ACTN3: variants seen among roughly 807,000 people sequenced by gnomAD.
The protein encoded by ACTN3 is alpha-actinin-3.
In ACTN3, 91 loss-of-function variants were observed where a neutral mutation model predicts 119.6. The observed-to-expected ratio is 0.76, with a 90% confidence interval of 0.64 to 0.91. The LOEUF (loss-of-function observed/expected upper bound fraction) is 0.91. Ranked by LOEUF, ACTN3 falls within the 40% of genes least tolerant of loss-of-function variation. The probability of loss-of-function intolerance (pLI) is 0.00; values close to 1 mark genes in which losing one functional copy is unlikely to be tolerated. For missense variants in ACTN3, 1,221 were observed against 1,215.1 expected, an observed-to-expected ratio of 1.00 and a Z score of -0.07; for synonymous variants, 456 against 478.8, an observed-to-expected ratio of 0.95 and a Z score of 0.62.
chr11:66,546,966 TG>T lies in ACTN3; in HGVS notation c.34del (p.Ala12ProfsTer123), dbSNP rs1419040838. 4.6e-6 allele frequency: 7 copies of T among 1,526,944 alleles called. No individual in the cohort carries two copies. Among genetic ancestry groups the T allele is most frequent in the Admixed American group, 4.4e-5 (2 of 45,458 alleles). The allele number at this position is 1,526,944 out of a possible 1,614,324, so 94.6% of individuals were successfully genotyped here. A position where few individuals can be genotyped will look rare whatever the true frequency, so the allele number is the denominator to read the frequency against. MMMVMQPEG[L>X]GAGEGRFAGG... ...ATGATGGTTATGCAGCCCGAGGGTC[TG>T]GGGGCCGGGGAGGGGCGCTTTGCGG... On this transcript the variant is annotated frameshift_variant, in exon 1 of 21. Transcript: ENST00000513398. LOFTEE classifies it high-confidence loss of function.
intron 7 of ACTN3, 35 bp downstream of exon 7, chr11:66,555,402 T>G: frequency 6.2e-7 from 1 of 1,603,646 alleles, no homozygotes; most frequent in Non-Finnish European, 8.5e-7. Context: ...AGACCCCACA[T>G]TCTCCACACT....
At position 66,554,277 on chromosome 11, in the gene ACTN3, C is replaced by CTAAAAAAA. The variant is rs1351603699; in HGVS notation, c.469+148_469+149insAAAAAATA. On this transcript the variant is annotated intron_variant, in intron 4 of 20. Coordinates refer to ENST00000513398, the MANE Select transcript of ACTN3 (RefSeq NM_001104.4). The stretch of plus-strand genomic sequence containing the variant: ...TGGACAACATGGTGAAACCCCATCT[C>CTAAAAAAA]TACAAAAAATACCAAAAAAAAAAAA... 1.4e-5 allele frequency: 4 copies of CTAAAAAAA among 285,654 alleles called. No homozygotes were observed. In the East Asian group the frequency reaches 2.4e-4, roughly 17 times the overall value. The allele number at this position is 285,654 out of a possible 1,614,324, so 17.7% of individuals were successfully genotyped here. A position where few individuals can be genotyped will look rare whatever the true frequency, so the allele number is the denominator to read the frequency against.
chr11:66,558,332 G>T (rs1197425370), intron 11 of ACTN3, 158 bp downstream of exon 11: 3 of 642,614 alleles, frequency 4.7e-6, no homozygotes, highest in Non-Finnish European at 5.8e-6. Context: ...GACTTGCTGT[G>T]GTGCAACCTA....
chr11:66,557,605 C>T, intron 9 of ACTN3, 94 bp from the exon 10 acceptor site: 1 of 1,366,168 alleles, frequency 7.3e-7, no homozygotes, highest in South Asian at 1.3e-5. Context: ...CCCACCTACA[C>T]TCTGGCCACA....
intron 6 of ACTN3, 21 bp downstream of exon 6, chr11:66,555,229 A>G (rs753300185): frequency 4.8e-5 from 77 of 1,613,402 alleles, no homozygotes; most frequent in Non-Finnish European, 6.1e-5. Context: ...CCACCACCCC[A>G]GCCCAAGGCC....
chr11:66,558,082 G>T lies in ACTN3; in HGVS notation c.1184G>T (p.Trp395Leu). The stretch of plus-strand genomic sequence containing the variant: ...CAGGTGGAAAAGGGCTATGAGGACT[G>T]GCTGCTCTCGGAGATCCGGCGCCTG... ...LEQVEKGYEDWLLSEIRRLQR... is the reference protein window; with the variant it reads ...LEQVEKGYEDLLLSEIRRLQR... The change falls in exon 11 of 21, where the codon TGG becomes TTG. Residue 395 changes from tryptophan (W) to leucine (L), a missense_variant. Transcript: ENST00000513398. The T allele has an allele frequency of 6.2e-7, 1 of 1,613,824 alleles. No individual in the cohort carries two copies. The highest frequency in any genetic ancestry group is 8.5e-7 in the Non-Finnish European group (1 of 1,179,876).
intron 7 of ACTN3, 36 bp downstream of exon 7, chr11:66,555,403 T>TCTCCACA (rs1330391902): frequency 2.5e-6 from 4 of 1,603,756 alleles, no homozygotes; most frequent in Non-Finnish European, 3.4e-6. Flanking sequence ...GACCCCACAT[T>TCTCCACA]CTCCACACTG....
chr11:66,556,563 A>C (rs929780144), intron 8 of ACTN3, among the ~76,000 whole-genome samples: 1 of 151,512 alleles, frequency 6.6e-6, no homozygotes, highest in African/African-American at 2.4e-5. Flanking sequence ...CAGCCTCCCC[A>C]GTAGCTGGGA....
At position 66,554,545 on chromosome 11, in the gene ACTN3, C is replaced by G. The variant is rs1322976363; in HGVS notation, c.479C>G (p.Ala160Gly). 6.2e-7 allele frequency: 1 copy of G among 1,610,166 alleles called. No homozygotes were observed. Among genetic ancestry groups the G allele is most frequent in the African/African-American group, 1.3e-5 (1 of 74,756 alleles). ...CCTCCCCCCGACCCAGAAACCTCAG[C>G]CAAGGAAGGCTTGCTTCTGTGGTGC... ...IQDISVEETSAKEGLLLWCQR... is the reference protein window; with the variant it reads ...IQDISVEETSGKEGLLLWCQR... Residue 160 changes from alanine to glycine, a missense_variant, in exon 5 of 21, where the codon GCC (alanine) becomes GGC (glycine). Ala to Gly is a moderately conservative substitution (Grantham distance 60). Transcript: ENST00000513398.
chr11:66,547,993 G>A (rs980322661), intron 1 of ACTN3, among the ~76,000 whole-genome samples: 1 of 152,158 alleles, frequency 6.6e-6, no homozygotes, highest in African/African-American at 2.4e-5. Flanking sequence ...AGAATACTTT[G>A]GAGAGTGGCA....
rs778140002 is a variant in ACTN3 at position 66,558,025 on chromosome 11, A to G, written c.1129-2A>G. 3.7e-6 allele frequency: 6 copies of G among 1,613,870 alleles called. No individual in the cohort carries two copies. The highest frequency in any genetic ancestry group is 4.2e-6 in the Non-Finnish European group (5 of 1,179,864). On this transcript the variant is annotated splice_acceptor_variant, in intron 10 of 20. Coordinates refer to ENST00000513398, the MANE Select transcript of ACTN3 (RefSeq NM_001104.4). LOFTEE classifies it high-confidence loss of function. ...TGGAGCGCACCCCTGCCTGCTCCAC[A>G]GGACATCGCCAACGCCTGGCGGGGG...
rs557418428 is a variant in ACTN3, at chr11:66,561,293, G to A, written c.1927G>A (p.Glu643Lys). 7.1e-5 allele frequency: 114 copies of A among 1,608,750 alleles called. No individual in the cohort carries two copies. The highest frequency in any genetic ancestry group is 1.9e-4 in the Middle Eastern group (1 of 5,146). ...GGAGCTGGCACGGCAGCAGGTAAACGAGAGGCTCCGGCGACAGTTTGCGGC... is the reference window on the plus strand; with the variant it reads ...GGAGCTGGCACGGCAGCAGGTAAACAAGAGGCTCCGGCGACAGTTTGCGGC... ...QEELARQQVN[E>K]RLRRQFAAQA... The change falls in exon 16 of 21, where the codon GAG (glutamate) becomes AAG (lysine). Residue 643 changes from glutamate to lysine, a missense_variant. Transcript: ENST00000513398.
chr11:66,557,096 T>C, intron 8 of ACTN3, 37 bp from the exon 9 acceptor site: 1 of 1,543,058 alleles, frequency 6.5e-7, no homozygotes, highest in East Asian at 2.4e-5. Context: ...AGAAGCAATT[T>C]GCTTTAATGC....
rs1388413178 is a variant in ACTN3, at chr11:66,560,268, A to T, written c.1634A>T (p.Asp545Val). 6 of 1,613,176 alleles carry T rather than the reference A, an allele frequency of 3.7e-6. No homozygotes were observed. Among genetic ancestry groups the T allele is most frequent in the Non-Finnish European group, 2.5e-6 (3 of 1,179,698 alleles). Reference protein sequence around the residue: ...FNNWLDGAVEDLQDVWLVHSV... With the variant: ...FNNWLDGAVEVLQDVWLVHSV... ...AACTGGCTGGATGGTGCCGTGGAGGACCTGCAGGACGTGTGGCTGGTACAC... is the reference window on the plus strand; with the variant it reads ...AACTGGCTGGATGGTGCCGTGGAGGTCCTGCAGGACGTGTGGCTGGTACAC... Residue 545 changes from aspartate to valine, a missense_variant, in exon 14 of 21, where the codon GAC (aspartate) becomes GTC (valine). Physicochemically the swap from Asp to Val is radical, Grantham distance 152. This residue lies in a region of ACTN3 where 934 missense variants were observed against 899.9 expected (regional missense o/e 1.04). Transcript: ENST00000513398.
chr11:66,549,880 C>T (rs1857438006), intron 1 of ACTN3, among the ~76,000 whole-genome samples: 1 of 152,054 alleles, frequency 6.6e-6, no homozygotes. Context: ...GCTTAGGTTC[C>T]CATCAAGTTG....
Position 66,555,163 on chromosome 11 carries a change from C to T in ACTN3, c.591C>T (p.Ile197=). Residue 197 remains isoleucine (I), a synonymous_variant, in exon 6 of 21, where the codon ATC becomes ATT. Transcript: ENST00000513398. ...ATGGCCTGGCCCTCTGTGCCCTCAT[C>T]CACCGACACCGCCCTGACCTCATCG... is the stretch of plus-strand genomic sequence containing the variant. The part of the protein sequence containing the change: ...WKDGLALCAL[I]HRHRPDLIDY... The T allele has an allele frequency of 3.7e-6, 6 of 1,614,068 alleles. No individual in the cohort carries two copies. Among genetic ancestry groups the T allele is most frequent in the Admixed American group, 3.3e-5 (2 of 59,998 alleles).
upstream of ACTN3, chr11:66,546,786 G>A (rs1590801218): frequency 6.5e-7 from 1 of 1,534,130 alleles, no homozygotes. Flanking sequence ...CCCCTTGCCA[G>A]GTCCAACCCG....
Position 66,554,523 on chromosome 11 carries a change from C to A in ACTN3, c.470-13C>A. 1 of 1,595,658 alleles carries A rather than the reference C, an allele frequency of 6.3e-7. No individual in the cohort carries two copies. The highest frequency in any genetic ancestry group is 8.6e-7 in the Non-Finnish European group (1 of 1,169,534). ...CCCTTCCCAATGAATCCTCCCACCT[C>A]CCCCCGACCCAGAAACCTCAGCCAA... On this transcript the variant is annotated splice_polypyrimidine_tract_variant and intron_variant, in intron 4 of 20. Coordinates refer to ENST00000513398, the MANE Select transcript of ACTN3 (RefSeq NM_001104.4).
In ACTN3 at chr11:66,558,147, G is replaced by A. The variant is rs201812719; in HGVS notation, c.1249G>A (p.Ala417Thr). 1 of 1,613,710 alleles carries A rather than the reference G, an allele frequency of 6.2e-7. No homozygotes were observed. The highest frequency in any genetic ancestry group is 2.2e-5 in the East Asian group (1 of 44,880). ...QHLAEKFRQKASLHEAWTRGK... is the reference protein window; with the variant it reads ...QHLAEKFRQKTSLHEAWTRGK... ...CCTGGCTGAGAAGTTCCGGCAGAAG[G>A]CCTCCCTGCACGAAGCCTGGACCCG... The change falls in exon 11 of 21, where the codon GCC becomes ACC. Residue 417 changes from alanine to threonine, a missense_variant. Around this residue, in one of 3 missense-constraint regions of ACTN3, gnomAD observed 934 missense variants for 899.9 expected, o/e 1.04. Coordinates refer to ENST00000513398, the MANE Select transcript of ACTN3 (RefSeq NM_001104.4).
Sources: gnomAD v4.1 joint callset for allele counts (sites outside exome capture counted in the v4.1 genomes callset) on GRCh38, gnomAD v4.1.1 for gene constraint, gnomAD v4.1.1 regional missense constraint, MANE v1.5 for transcripts, NCBI Gene and HGNC (gene_info 2026-07-23, HGNC 2026-07-21) for gene names.